SFMBT2: variants seen among roughly 807,000 people sequenced by gnomAD.
SFMBT2 encodes the protein Scm like with four mbt domains 2.
A neutral mutation model predicts 110.1 loss-of-function variants in SFMBT2; 38 were observed. The ratio of observed to expected loss-of-function variants is 0.35; its 90% confidence interval spans 0.27 to 0.45. The LOEUF is 0.45. Ranked by LOEUF, SFMBT2 falls within the 20% of genes least tolerant of loss-of-function variation. The pLI is 1.00. For synonymous variants in SFMBT2, 425 were observed against 425.4 expected, an observed-to-expected ratio of 1.00 and a Z score of 0.01; for missense variants, 1,011 against 1,094.9, an observed-to-expected ratio of 0.92 and a Z score of 1.08.
At position 7,276,969 on chromosome 10, in the gene SFMBT2, C is replaced by G. The variant is rs747083660; in HGVS notation, c.793G>C (p.Ala265Pro). Residue 265 changes from alanine (A) to proline (P), a missense_variant, in exon 7 of 21, where the codon GCC becomes CCC. Physicochemically the swap from Ala to Pro is conservative, Grantham distance 27 (BLOSUM62 -1). Around this residue, in one of 2 missense-constraint regions of SFMBT2, gnomAD observed 979 missense variants for 1,016.1 expected, o/e 0.96. Coordinates refer to ENST00000397167, the MANE Select transcript of SFMBT2 (RefSeq NM_001387889.1). ...PPSEIYPLKM[A>P]SEWKCTLEKS... Reference sequence around the variant, plus strand: ...TCCAGAGTACATTTCCATTCAGAGGCCATCTTCAAAGGATAGATTTCTGTA... The same window carrying G: ...TCCAGAGTACATTTCCATTCAGAGGGCATCTTCAAAGGATAGATTTCTGTA... 1 of 872,724 alleles carries G rather than the reference C, an allele frequency of 1.1e-6. No homozygotes were observed. The highest frequency in any genetic ancestry group is 2.4e-5 in the East Asian group (1 of 41,706). The allele number at this position is 872,724 out of a possible 1,614,324, so 54.1% of individuals were successfully genotyped here.
In SFMBT2 at chr10:7,316,444, G is replaced by A. The variant is rs11255076; in HGVS notation, c.437-30490C>T. On this transcript the variant is annotated intron_variant, in intron 4 of 20. Coordinates refer to ENST00000397167, the MANE Select transcript of SFMBT2 (RefSeq NM_001387889.1). ...GGAAGCGCCAATGGGTCAGTGATGG[G>A]CCCCGCCAGGCTGGAAAGCAGCACA... Among the ~76,000 whole-genome samples the A allele has an allele frequency of 4.4e-3, 677 of 152,276 alleles. 22 individuals are homozygous for A. In the East Asian group the frequency reaches 0.073, roughly 16 times the overall value.
chr10:7,366,772 T>C (rs1281037493), intron 4 of SFMBT2, among the ~76,000 whole-genome samples: 1 of 152,228 alleles, frequency 6.6e-6, no homozygotes, highest in Non-Finnish European at 1.5e-5. Flanking sequence ...CCAGCAGGCT[T>C]TCTCCCCCTC....
At chr10:7,307,792 A>G (rs1313266044) in intron 4 of SFMBT2, among the ~76,000 whole-genome samples, 1 of 152,236 alleles carries the variant, frequency 6.6e-6, no homozygotes, top group African/African-American at 2.4e-5. Context: ...TACTGGAGAC[A>G]CAGAAAGCAT....
rs867065127 is a variant in SFMBT2 at position 7,396,067 on chromosome 10, T to C, written c.-51-14118A>G. On this transcript the variant is annotated intron_variant, in intron 1 of 20. Coordinates refer to ENST00000397167, the MANE Select transcript of SFMBT2 (RefSeq NM_001387889.1). ...CTGGCCAACATGGTGAAACCCTGCC[T>C]CTACTAAAAGTACAAAAATTAACCA... Among the ~76,000 whole-genome samples, 4 of 152,174 alleles carry C rather than the reference T, an allele frequency of 2.6e-5. No homozygotes were observed. In the South Asian group the frequency reaches 6.2e-4, roughly 24 times the overall value.
intron 2 of SFMBT2, among the ~76,000 whole-genome samples, chr10:7,371,917 G>A (rs11255095): frequency 0.24 from 28,935 of 122,092 alleles, 3,504 homozygotes; most frequent in South Asian, 0.48. Flanking sequence ...TTGTCCACCT[G>A]TAATTTTTTT....
intron 7 of SFMBT2, among the ~76,000 whole-genome samples, chr10:7,251,700 C>T (rs1263556066): frequency 1.3e-5 from 2 of 152,152 alleles, no homozygotes; most frequent in African/African-American, 4.8e-5. Context: ...CTCAGAGGTG[C>T]CCTCAGTCAC....
chr10:7,246,796 A>AATTTTTG (rs1205436418), intron 8 of SFMBT2, among the ~76,000 whole-genome samples: 1 of 150,442 alleles, frequency 6.6e-6, no homozygotes, highest in Admixed American at 6.7e-5. Flanking sequence ...TGTTGAGTTT[A>AATTTTTG]ATTGATAAAT....
intron 16 of SFMBT2, among the ~76,000 whole-genome samples, chr10:7,186,052 G>A (rs2131568045): frequency 6.6e-6 from 1 of 152,130 alleles, no homozygotes; most frequent in Middle Eastern, 3.4e-3. Context: ...CTCCTCACAA[G>A]TTCAAATATT....
At chr10:7,192,991 C>A (rs1056403265) in intron 15 of SFMBT2, among the ~76,000 whole-genome samples, 1 of 152,178 alleles carries the variant, frequency 6.6e-6, no homozygotes, top group Non-Finnish European at 1.5e-5. Context: ...CCCTGAGAAG[C>A]GCCTCATTGC....
rs567658847 is a variant in SFMBT2, at chr10:7,164,505, C to T, written c.2545-595G>A. The T allele has an allele frequency of 9.0e-5, 84 of 936,626 alleles. No homozygotes were observed. The African/African-American group carries it at 1.1e-3, about 13-fold the overall frequency. 58.0% of individuals were successfully genotyped at this position (936,626 alleles called of 1,614,324 possible). ...AAGAGCTGGAACAGGTGGGTTGCTG[C>T]GGGAATTGCTTCCCAAGCTTATCGC... On this transcript the variant is annotated intron_variant, in intron 20 of 20. Transcript: ENST00000397167.
At chr10:7,389,182 T>C (rs1385295433) in intron 1 of SFMBT2, among the ~76,000 whole-genome samples, 1 of 152,162 alleles carries the variant, frequency 6.6e-6, no homozygotes, top group African/African-American at 2.4e-5. Flanking sequence ...CTATCAAATA[T>C]GAGAATAATA....
intron 6 of SFMBT2, among the ~76,000 whole-genome samples, chr10:7,281,185 G>A (rs1036361227): frequency 1.3e-5 from 2 of 152,166 alleles, no homozygotes; most frequent in Non-Finnish European, 2.9e-5. Context: ...GGTTGAGGCT[G>A]CAATGAGCCG....
intron 7 of SFMBT2, among the ~76,000 whole-genome samples, chr10:7,272,977 TAG>T (rs1167335459): frequency 2.0e-5 from 3 of 152,300 alleles, no homozygotes; most frequent in Non-Finnish European, 4.4e-5. Flanking sequence ...GTATTTTTAG[TAG>T]AGACAGGGTT....
chr10:7,239,153 G>A (rs759024507), intron 9 of SFMBT2, among the ~76,000 whole-genome samples: 1 of 152,176 alleles, frequency 6.6e-6, no homozygotes, highest in Non-Finnish European at 1.5e-5. Context: ...ACCACCGGAA[G>A]TCTTTCATTT....
At chr10:7,275,157 G>A (rs564494533) in intron 7 of SFMBT2, among the ~76,000 whole-genome samples, 11 of 152,384 alleles carry the variant, frequency 7.2e-5, no homozygotes, top group Admixed American at 2.6e-4. Context: ...GGGCTGCAGC[G>A]GGGGCTTCAC....
chr10:7,167,847 A>G (rs989778212), intron 20 of SFMBT2, among the ~76,000 whole-genome samples: 1 of 152,144 alleles, frequency 6.6e-6, no homozygotes, highest in Non-Finnish European at 1.5e-5. Context: ...AAGAGAAACA[A>G]GTAGGGATGA....
intron 4 of SFMBT2, among the ~76,000 whole-genome samples, chr10:7,305,536 T>G (rs918819207): frequency 2.6e-5 from 4 of 152,066 alleles, no homozygotes; most frequent in African/African-American, 9.7e-5. Flanking sequence ...AACAAGAAAA[T>G]AAATTGCACC....
At chr10:7,338,007 T>C (rs1843769117) in intron 4 of SFMBT2, among the ~76,000 whole-genome samples, 1 of 152,224 alleles carries the variant, frequency 6.6e-6, no homozygotes. Flanking sequence ...CTGAGGTCTT[T>C]AACACTTTGA....
At chr10:7,193,898 C>G (rs1241799239) in intron 15 of SFMBT2, among the ~76,000 whole-genome samples, 1 of 152,216 alleles carries the variant, frequency 6.6e-6, no homozygotes, top group African/African-American at 2.4e-5. Context: ...CATGGTTTAT[C>G]TCTCTTTTGG....
Sources: allele counts gnomAD v4.1 joint callset (sites outside exome capture counted in the v4.1 genomes callset), GRCh38; gene constraint gnomAD v4.1.1; regional missense constraint gnomAD v4.1.1; transcripts MANE v1.5; gene names NCBI Gene and HGNC (gene_info 2026-07-23, HGNC 2026-07-21).